SLC24A2: variants seen among roughly 807,000 people sequenced by gnomAD.
SLC24A2 encodes the protein solute carrier family 24 member 2, also known as sodium/potassium/calcium exchanger 2.
In SLC24A2, 36 loss-of-function variants were observed where a neutral mutation model predicts 62.0. That is an observed-to-expected ratio of 0.58 (90% CI 0.44 to 0.77). The LOEUF (loss-of-function observed/expected upper bound fraction) is 0.77. Among genes scored for constraint, SLC24A2 ranks in the 30% least tolerant of loss-of-function variants. SLC24A2 has a pLI of 0.00. For missense variants in SLC24A2, 846 were observed against 817.9 expected, an observed-to-expected ratio of 1.03 and a Z score of -0.42; for synonymous variants, 358 against 294.0, an observed-to-expected ratio of 1.22 and a Z score of -2.23.
chr9:20,251,919 C>T, the SLC24A2 span, among the ~76,000 whole-genome samples: 1 of 152,182 alleles, frequency 6.6e-6, no homozygotes, highest in Non-Finnish European at 1.5e-5. Context: ...CGGGATTGGC[C>T]TGCCTCTGTA....
intron 5 of SLC24A2, among the ~76,000 whole-genome samples, chr9:19,578,125 A>C (rs997880680): frequency 2.3e-4 from 35 of 151,786 alleles, no homozygotes; most frequent in African/African-American, 8.0e-4. Flanking sequence ...AGGACTACAA[A>C]TATGGTGCAG....
At chr9:19,915,103 C>T in the SLC24A2 span, among the ~76,000 whole-genome samples, 1 of 152,128 alleles carries the variant, frequency 6.6e-6, no homozygotes, top group Non-Finnish European at 1.5e-5. Context: ...CCAATCCCAT[C>T]CTCTACCTGC....
the SLC24A2 span, among the ~76,000 whole-genome samples, chr9:19,979,843 A>T: frequency 2.0e-5 from 3 of 152,188 alleles, no homozygotes; most frequent in Admixed American, 2.0e-4. Context: ...TCACAACGCA[A>T]CTTTAACCTC....
intron 2 of SLC24A2, among the ~76,000 whole-genome samples, chr9:19,732,881 A>T (rs1412087810): frequency 1.3e-5 from 2 of 152,198 alleles, no homozygotes; most frequent in Non-Finnish European, 2.9e-5. Flanking sequence ...GTGTAAAAAA[A>T]AATCCAGATT....
chr9:20,077,410 T>G, the SLC24A2 span, among the ~76,000 whole-genome samples: 3 of 152,118 alleles, frequency 2.0e-5, no homozygotes, highest in South Asian at 6.2e-4. Context: ...ACCTCAAATA[T>G]ACATAATACA....
the SLC24A2 span, among the ~76,000 whole-genome samples, chr9:20,122,711 A>G: frequency 7.2e-5 from 11 of 152,204 alleles, no homozygotes; most frequent in African/African-American, 1.9e-4. Context: ...AAACAACAAC[A>G]AAAAAACTCT....
At chr9:20,009,096 G>A in the SLC24A2 span, among the ~76,000 whole-genome samples, 1 of 152,114 alleles carries the variant, frequency 6.6e-6, no homozygotes, top group Non-Finnish European at 1.5e-5. Flanking sequence ...AAAGAATTCT[G>A]GACTCATGGT....
the SLC24A2 span, among the ~76,000 whole-genome samples, chr9:20,009,333 T>C: frequency 4.1e-5 from 6 of 146,674 alleles, no homozygotes; most frequent in Non-Finnish European, 7.4e-5. Context: ...TTTAGTGAGC[T>C]GAGATTGGGT....
At chr9:19,590,722 G>A (rs958120138) in intron 5 of SLC24A2, among the ~76,000 whole-genome samples, 1 of 151,940 alleles carries the variant, frequency 6.6e-6, no homozygotes, top group Non-Finnish European at 1.5e-5. Context: ...CTCCCAGCTC[G>A]TTTTGTCCTC....
At chr9:20,169,457 T>C in the SLC24A2 span, among the ~76,000 whole-genome samples, 1 of 151,996 alleles carries the variant, frequency 6.6e-6, no homozygotes, top group East Asian at 1.9e-4. Flanking sequence ...ACACCTCAAA[T>C]ACTAGCAGGT....
the SLC24A2 span, among the ~76,000 whole-genome samples, chr9:20,231,802 T>A: frequency 1.4e-5 from 2 of 144,154 alleles, no homozygotes; most frequent in East Asian, 4.0e-4. Flanking sequence ...AGGGCATCCC[T>A]GTCTTGTGCC....
chr9:20,220,643 C>T, the SLC24A2 span, among the ~76,000 whole-genome samples: 1 of 152,150 alleles, frequency 6.6e-6, no homozygotes, highest in Non-Finnish European at 1.5e-5. Flanking sequence ...ATTTAGCTTT[C>T]ACTTGGGCAG....
At chr9:20,027,329 G>A in the SLC24A2 span, among the ~76,000 whole-genome samples, 6 of 152,008 alleles carry the variant, frequency 3.9e-5, no homozygotes, top group South Asian at 2.1e-4. Context: ...CAATCACTAC[G>A]TCAAAAAGAT....
chr9:19,577,427 T>C (rs1836051935), intron 5 of SLC24A2, among the ~76,000 whole-genome samples: 1 of 152,178 alleles, frequency 6.6e-6, no homozygotes, highest in Non-Finnish European at 1.5e-5. Context: ...GGTCCTCTGA[T>C]TTGACTTCAG....
At chr9:20,047,819 T>A in the SLC24A2 span, among the ~76,000 whole-genome samples, 1 of 151,408 alleles carries the variant, frequency 6.6e-6, no homozygotes, top group Non-Finnish European at 1.5e-5. Flanking sequence ...GATTTTAACA[T>A]GAGTTTTGGG....
intron 2 of SLC24A2, among the ~76,000 whole-genome samples, chr9:19,702,890 A>C (rs1820396742): frequency 6.6e-6 from 1 of 152,204 alleles, no homozygotes; most frequent in Non-Finnish European, 1.5e-5. Flanking sequence ...TAAAGTATAC[A>C]TATAGCAAAA....
At chr9:20,044,479 G>A in the SLC24A2 span, among the ~76,000 whole-genome samples, 12 of 152,124 alleles carry the variant, frequency 7.9e-5, no homozygotes, top group Non-Finnish European at 8.8e-5. Flanking sequence ...AACATTGGGA[G>A]GCAGGGTTGT....
the SLC24A2 span, among the ~76,000 whole-genome samples, chr9:19,894,380 G>A: frequency 3.9e-5 from 6 of 152,060 alleles, no homozygotes; most frequent in African/African-American, 7.2e-5. Context: ...TGCTCCCCCA[G>A]CATTTTGAAT....
At chr9:19,889,302 T>C in the SLC24A2 span, among the ~76,000 whole-genome samples, 8 of 152,188 alleles carry the variant, frequency 5.3e-5, no homozygotes, top group Non-Finnish European at 1.0e-4. Flanking sequence ...CATTTCCTCA[T>C]CTGTAGTGCA....
Sources: gnomAD v4.1 joint callset for allele counts (sites outside exome capture counted in the v4.1 genomes callset) on GRCh38, gnomAD v4.1.1 for gene constraint, MANE v1.5 for transcripts, NCBI Gene and HGNC (gene_info 2026-07-23, HGNC 2026-07-21) for gene names.